FHIT: variants seen among roughly 807,000 people sequenced by gnomAD.
FHIT encodes fragile histidine triad diadenosine triphosphatase, also known as bis(5'-adenosyl)-triphosphatase.
A neutral mutation model predicts 17.9 loss-of-function variants in FHIT; 19 were observed. The ratio of observed to expected loss-of-function variants is 1.06; its 90% CI spans 0.74 to 1.56. FHIT has a LOEUF of 1.56. FHIT is among the 40% of genes most tolerant of loss of function. The pLI is 0.00. For synonymous variants in FHIT, 81 were observed against 69.7 expected (o/e 1.16, Z -0.81); for missense variants, 248 against 189.2 (o/e 1.31, Z -1.82).
At chr3:61,132,508 G>C (rs1025006724) in intron 2 of FHIT, among the ~76,000 whole-genome samples, 1 of 152,192 alleles carries the variant, frequency 6.6e-6, no homozygotes, top group Admixed American at 6.5e-5. Context: ...AGCTCTATGA[G>C]AGAAACATAC....
intron 1 of FHIT, among the ~76,000 whole-genome samples, chr3:61,239,073 C>A (rs867094133): frequency 2.0e-5 from 3 of 152,104 alleles, no homozygotes; most frequent in African/African-American, 7.2e-5. Context: ...GAAGCATCAG[C>A]CAGGACTGTA....
intron 4 of FHIT, among the ~76,000 whole-genome samples, chr3:60,625,180 A>T (rs1209541783): frequency 1.3e-5 from 2 of 152,196 alleles, no homozygotes; most frequent in African/African-American, 4.8e-5. Context: ...AAATGTTGGG[A>T]TTACAGGCAT....
At chr3:60,337,379 A>G (rs187104252) in intron 5 of FHIT, among the ~76,000 whole-genome samples, 1 of 152,312 alleles carries the variant, frequency 6.6e-6, no homozygotes, top group Non-Finnish European at 1.5e-5. Flanking sequence ...CTATGTAAGC[A>G]TGTGTTCTGA....
intron 5 of FHIT, among the ~76,000 whole-genome samples, chr3:60,392,230 T>TA (rs1467334116): frequency 6.6e-6 from 1 of 152,160 alleles, no homozygotes; most frequent in East Asian, 1.9e-4. Context: ...GCAACATGAA[T>TA]AACATGAATT....
At chr3:60,409,587 T>C (rs569917748) in intron 5 of FHIT, among the ~76,000 whole-genome samples, 2 of 152,332 alleles carry the variant, frequency 1.3e-5, no homozygotes, top group East Asian at 3.9e-4. Context: ...CCAACTAACC[T>C]TGTAATAACC....
At chr3:59,900,819 G>C (rs989057703) in intron 8 of FHIT, among the ~76,000 whole-genome samples, 1 of 152,074 alleles carries the variant, frequency 6.6e-6, no homozygotes, top group Non-Finnish European at 1.5e-5. Context: ...TCACCATGTT[G>C]GCCAAGCTGG....
intron 4 of FHIT, among the ~76,000 whole-genome samples, chr3:60,631,891 A>G (rs1234165271): frequency 1.3e-5 from 2 of 152,182 alleles, no homozygotes; most frequent in African/African-American, 4.8e-5. Context: ...TGAAACATGA[A>G]AAAAAGAGTT....
At chr3:59,970,710 T>C (rs3772474) in intron 7 of FHIT, among the ~76,000 whole-genome samples, 1 of 152,016 alleles carries the variant, frequency 6.6e-6, no homozygotes, top group Non-Finnish European at 1.5e-5. Flanking sequence ...TCCTGCCATT[T>C]GTTAATTTTT....
chr3:60,753,314 C>A (rs1249186685), intron 4 of FHIT, among the ~76,000 whole-genome samples: 1 of 152,140 alleles, frequency 6.6e-6, no homozygotes, highest in Non-Finnish European at 1.5e-5. Flanking sequence ...TCCATTAATT[C>A]TTTTATTCTC....
intron 5 of FHIT, among the ~76,000 whole-genome samples, chr3:60,106,092 A>T (rs1441225249): frequency 6.6e-6 from 1 of 152,202 alleles, no homozygotes; most frequent in Non-Finnish European, 1.5e-5. Context: ...TTTGTCCAGC[A>T]TATTCTGGCT....
chr3:60,272,600 AAAG>A (rs1706915854), intron 5 of FHIT, among the ~76,000 whole-genome samples: 1 of 152,188 alleles, frequency 6.6e-6, no homozygotes. Context: ...AAAACTAATC[AAAG>A]AATACTCTTG....
chr3:60,547,061 T>G (rs1383578147), intron 4 of FHIT, among the ~76,000 whole-genome samples: 2 of 152,142 alleles, frequency 1.3e-5, no homozygotes. Context: ...ATGGGAAAAT[T>G]TGTGCATCTC....
chr3:59,979,437 G>A (rs555469235), intron 7 of FHIT, among the ~76,000 whole-genome samples: 4 of 152,268 alleles, frequency 2.6e-5, no homozygotes, highest in African/African-American at 9.6e-5. Flanking sequence ...AATGTCTAGA[G>A]TGGAGACCTT....
intron 2 of FHIT, among the ~76,000 whole-genome samples, chr3:61,148,550 G>C (rs573150060): frequency 6.6e-6 from 1 of 152,022 alleles, no homozygotes; most frequent in African/African-American, 2.4e-5. Flanking sequence ...CTTTTTGTTG[G>C]TGAGTACCAC....
intron 2 of FHIT, among the ~76,000 whole-genome samples, chr3:61,109,206 A>G (rs1293335120): frequency 2.0e-5 from 3 of 152,210 alleles, no homozygotes; most frequent in Non-Finnish European, 4.4e-5. Flanking sequence ...GTATCTGAAC[A>G]TGTGTGTATG....
chr3:61,133,351 T>C lies in FHIT; in HGVS notation c.-164+67266A>G, dbSNP rs191126596. Among the ~76,000 whole-genome samples, 262 of 152,342 alleles carry C rather than the reference T, an allele frequency of 1.7e-3. 2 individuals are homozygous for C. Among genetic ancestry groups the C allele is most frequent in the African/African-American group, 5.8e-3 (240 of 41,580 alleles). On this transcript the variant is annotated intron_variant, in intron 2 of 9. Coordinates refer to ENST00000492590, the MANE Select transcript of FHIT (RefSeq NM_002012.4). Reference sequence around the variant, plus strand: ...GCTTTTAGTAGGAACTCAAAAACTATATTTTGGAAGCAATAAGGGAAGGCA... The same window carrying C: ...GCTTTTAGTAGGAACTCAAAAACTACATTTTGGAAGCAATAAGGGAAGGCA...
chr3:60,936,151 T>C (rs1708183738), intron 3 of FHIT, among the ~76,000 whole-genome samples: 1 of 152,188 alleles, frequency 6.6e-6, no homozygotes, highest in African/African-American at 2.4e-5. Context: ...TTAATAATTT[T>C]CTACAGAATA....
chr3:60,785,940 G>C (rs1452133840), intron 4 of FHIT, among the ~76,000 whole-genome samples: 2 of 124,340 alleles, frequency 1.6e-5, no homozygotes, highest in Non-Finnish European at 3.3e-5. Flanking sequence ...CACACAGAGA[G>C]AGTACTTTTC....
In FHIT at chr3:60,301,688, A is replaced by G. The variant is rs184415504; in HGVS notation, c.103+235172T>C. ...CTAAAAATTGTTCTGATACTCTTTA[A>G]CGGGTTTTAGCAAAATAAGTGATTA... On this transcript the variant is annotated intron_variant, in intron 5 of 9. Transcript: ENST00000492590. Among the ~76,000 whole-genome samples, 225 of 152,266 alleles carry G rather than the reference A, an allele frequency of 1.5e-3. 1 individual carries two copies. The highest frequency in any genetic ancestry group is 1.2e-3 in the Non-Finnish European group (81 of 68,010).
Sources: gnomAD v4.1 joint callset for allele counts (sites outside exome capture counted in the v4.1 genomes callset) on GRCh38, gnomAD v4.1.1 for gene constraint, MANE v1.5 for transcripts, NCBI Gene and HGNC (gene_info 2026-07-23, HGNC 2026-07-21) for gene names.